The following DNAH8 variants were observed in gnomAD, a reference collection of about 807,000 sequenced individuals.
DNAH8 encodes the protein axonemal beta dynein heavy chain 8.
A neutral mutation model predicts 562.1 loss-of-function variants in DNAH8; 382 were observed. The ratio of observed to expected loss-of-function variants is 0.68; its 90% confidence interval spans 0.63 to 0.74. DNAH8 has a LOEUF of 0.74. Ranked by LOEUF, DNAH8 falls within the 30% of genes least tolerant of loss-of-function variation. DNAH8 has a pLI of 0.00. For missense variants in DNAH8, 5,203 were observed against 5,620.4 expected (o/e 0.93, Z 2.37); for synonymous variants, 1,881 against 1,919.4 (o/e 0.98, Z 0.52).
intron 73 of DNAH8, among the ~76,000 whole-genome samples, chr6:38,925,256 G>A (rs1473505095): frequency 6.6e-6 from 1 of 151,490 alleles, no homozygotes. Context: ...TTTAACAAAG[G>A]TGGAGGCTGG....
chr6:38,826,177 C>G lies in DNAH8; in HGVS notation c.3869C>G (p.Ser1290Cys). Residue 1290 changes from serine to cysteine, a missense_variant, in exon 29 of 93, where the codon TCC becomes TGC. Physicochemically the swap from Ser to Cys is moderately radical, Grantham distance 112. This residue lies in a region of DNAH8 where 2,176 missense variants were observed against 2,365.1 expected (regional missense o/e 0.92). Coordinates refer to ENST00000327475, the MANE Select transcript of DNAH8 (RefSeq NM_001206927.2). ...TCAGAGCCGATGAAATTGGCCTTAT[C>G]CATCGAGGCCAAGGCATGGAAGATG... ...LHTEPMKLAL[S>C]IEAKAWKMLL... 1 of 1,604,996 alleles carries G rather than the reference C, an allele frequency of 6.2e-7. No homozygotes were observed. The highest frequency in any genetic ancestry group is 8.5e-7 in the Non-Finnish European group (1 of 1,176,628).
chr6:38,908,519 C>A (rs1406893039), intron 64 of DNAH8, among the ~76,000 whole-genome samples: 1 of 152,088 alleles, frequency 6.6e-6, no homozygotes, highest in African/African-American at 2.4e-5. Flanking sequence ...TATATGGCTA[C>A]TTAAGTTTTG....
At chr6:38,889,056 T>C (rs1779157342) in intron 57 of DNAH8, among the ~76,000 whole-genome samples, 1 of 152,210 alleles carries the variant, frequency 6.6e-6, no homozygotes, top group South Asian at 2.1e-4. Context: ...TGCACATGCA[T>C]GCCAGCAGAC....
At chr6:38,971,350 T>G (rs1220525749) in intron 82 of DNAH8, among the ~76,000 whole-genome samples, 1 of 152,100 alleles carries the variant, frequency 6.6e-6, no homozygotes, top group African/African-American at 2.4e-5. Flanking sequence ...CCACCATACG[T>G]GCCTTTTTCT....
intron 10 of DNAH8, 78 bp downstream of exon 10, chr6:38,756,157 G>C: frequency 3.4e-6 from 3 of 890,762 alleles, no homozygotes; most frequent in Non-Finnish European, 5.6e-6. Context: ...CCTAGGAAGG[G>C]AATTTGGAAG....
chr6:38,973,294 G>T (rs1763461344), intron 83 of DNAH8, among the ~76,000 whole-genome samples: 1 of 152,114 alleles, frequency 6.6e-6, no homozygotes, highest in African/African-American at 2.4e-5. Flanking sequence ...CTGGGTTTTG[G>T]GGGTGAGTCA....
chr6:38,738,193 A>G (rs952055797), intron 7 of DNAH8, among the ~76,000 whole-genome samples: 1 of 152,230 alleles, frequency 6.6e-6, no homozygotes, highest in Non-Finnish European at 1.5e-5. Context: ...GGAAGAAACC[A>G]TAACAATATG....
intron 8 of DNAH8, among the ~76,000 whole-genome samples, chr6:38,749,002 G>C (rs769350902): frequency 6.6e-6 from 1 of 151,980 alleles, no homozygotes. Flanking sequence ...GCATTGACCA[G>C]ATCACACTGA....
rs1332186985 is a variant in DNAH8 at position 38,804,491 on chromosome 6, G to A, written c.3035-990G>A. 3.9e-5 allele frequency among the ~76,000 whole-genome samples: 6 copies of A among 152,148 alleles called. No homozygotes were observed. In the East Asian group the frequency reaches 1.2e-3, roughly 29 times the overall value. On this transcript the variant is annotated intron_variant, in intron 22 of 92. Coordinates refer to ENST00000327475, the MANE Select transcript of DNAH8 (RefSeq NM_001206927.2). ...CACGATCCCTGTTTACTACGCACCT[G>A]CTCTTCTCCCCAGCTGCTGCTCAGG...
intron 3 of DNAH8, among the ~76,000 whole-genome samples, chr6:38,726,743 C>G (rs988999775): frequency 2.0e-4 from 30 of 151,158 alleles, no homozygotes; most frequent in African/African-American, 7.3e-4. Flanking sequence ...TAGGTTGGAT[C>G]AAGGTTGGTG....
intron 9 of DNAH8, among the ~76,000 whole-genome samples, chr6:38,752,466 T>G (rs1483275579): frequency 6.6e-6 from 1 of 152,240 alleles, no homozygotes; most frequent in Non-Finnish European, 1.5e-5. Context: ...GCCCAACACT[T>G]TCAAATTAAT....
intron 83 of DNAH8, 98 bp from the exon 84 acceptor site, chr6:38,973,563 G>A: frequency 1.1e-6 from 1 of 885,718 alleles, no homozygotes; most frequent in Non-Finnish European, 1.7e-6. Context: ...TCAAAACAGA[G>A]TATTCACATG....
intron 85 of DNAH8, among the ~76,000 whole-genome samples, chr6:38,979,211 C>T (rs899192282): frequency 4.6e-5 from 7 of 152,228 alleles, no homozygotes; most frequent in African/African-American, 1.4e-4. Context: ...GATTGAACGT[C>T]TCCTTCAGGC....
intron 44 of DNAH8, 35 bp downstream of exon 44, chr6:38,862,493 A>G: frequency 6.4e-7 from 1 of 1,563,326 alleles, no homozygotes; most frequent in African/African-American, 1.4e-5. Context: ...TTTTAGGTGA[A>G]TTTATTTTTA....
intron 83 of DNAH8, among the ~76,000 whole-genome samples, chr6:38,973,392 C>T (rs1477569398): frequency 6.6e-6 from 1 of 152,196 alleles, no homozygotes; most frequent in Non-Finnish European, 1.5e-5. Flanking sequence ...TGTACTTACA[C>T]AAGTCTGCCT....
At chr6:38,776,696 C>T (rs1464472087) in intron 13 of DNAH8, among the ~76,000 whole-genome samples, 1 of 152,180 alleles carries the variant, frequency 6.6e-6, no homozygotes, top group Non-Finnish European at 1.5e-5. Context: ...CTATAGAGGG[C>T]AGCTCTGAAG....
intron 66 of DNAH8, 67 bp from the exon 67 acceptor site, chr6:38,913,782 T>A (rs991657777): frequency 9.1e-7 from 1 of 1,100,214 alleles, no homozygotes; most frequent in African/African-American, 1.5e-5. Flanking sequence ...TAGTAAACAT[T>A]GAATAAATAT....
In DNAH8 at chr6:38,823,707, T is replaced by TGA. The variant is rs1018197505; in HGVS notation, c.3847+19_3847+20insGA. 8 of 1,561,518 alleles carry TGA rather than the reference T, an allele frequency of 5.1e-6. No individual in the cohort carries two copies. The highest frequency in any genetic ancestry group is 6.1e-6 in the Non-Finnish European group (7 of 1,140,568). ...CATACAGGTATTTTAAAAATGTTTA[T>TGA]TATGTAAAGTATCTGTACTTTCACA... On this transcript the variant is annotated intron_variant, in intron 28 of 92. Coordinates refer to ENST00000327475, the MANE Select transcript of DNAH8 (RefSeq NM_001206927.2).
At chr6:38,940,338 G>A (rs910373862) in intron 79 of DNAH8, among the ~76,000 whole-genome samples, 7 of 152,144 alleles carry the variant, frequency 4.6e-5, no homozygotes, top group African/African-American at 1.7e-4. Flanking sequence ...TATGATTTCT[G>A]GCCTATGCAG....
Sources: allele counts gnomAD v4.1 joint callset (sites outside exome capture counted in the v4.1 genomes callset), GRCh38; gene constraint gnomAD v4.1.1; regional missense constraint gnomAD v4.1.1; transcripts MANE v1.5; gene names NCBI Gene and HGNC (gene_info 2026-07-23, HGNC 2026-07-21).